The following ATP8B1 variants were observed in gnomAD, a reference collection of about 807,000 sequenced individuals.
ATP8B1 encodes ATPase phospholipid transporting 8B1, also known as phospholipid-transporting ATPase IC.
ATP8B1 carries 80 observed loss-of-function variants against 149.9 expected under a neutral mutation model. The observed-to-expected ratio is 0.53, with a 90% CI of 0.45 to 0.64. The LOEUF is 0.64. ATP8B1 is among the 30% of genes least tolerant of loss of function. ATP8B1 has a pLI of 0.00. For synonymous variants in ATP8B1, 536 were observed against 562.8 expected (o/e 0.95, Z 0.67); for missense variants, 1,247 against 1,552.6 (o/e 0.80, Z 3.31).
At chr18:57,764,394 T>A (rs1366400585) in intron 1 of ATP8B1, among the ~76,000 whole-genome samples, 11 of 147,144 alleles carry the variant, frequency 7.5e-5, no homozygotes, top group African/African-American at 2.5e-4. Context: ...TCTCTCTTTC[T>A]CTCTTTCTTT....
At position 57,661,201 on chromosome 18, in the gene ATP8B1, C is replaced by T. The variant is rs769329072; in HGVS notation, c.2680G>A (p.Gly894Arg). Residue 894 changes from glycine to arginine, a missense_variant, in exon 22 of 28, where the codon GGG (glycine) becomes AGG (arginine). By Grantham distance (125) the Gly-to-Arg change is moderately radical (BLOSUM62 -2). Coordinates refer to ENST00000648908, the MANE Select transcript of ATP8B1 (RefSeq NM_001374385.1). ...TTGATCATGTTCACGTCATTGGCCC[C>T]ATCTCCGATGGCCAGCGTGATGGCT... ...KKAITLAIGD[G>R]ANDVNMIKTA... 2.5e-6 allele frequency: 4 copies of T among 1,614,026 alleles called. No homozygotes were observed. The highest frequency in any genetic ancestry group is 3.4e-6 in the Non-Finnish European group (4 of 1,180,026).
Position 57,684,018 on chromosome 18 carries a change from T to C in ATP8B1, c.1630+18A>G, listed in dbSNP as rs779156004. On this transcript the variant is annotated intron_variant, in intron 15 of 27. Coordinates refer to ENST00000648908, the MANE Select transcript of ATP8B1 (RefSeq NM_001374385.1). Reference sequence around the variant, plus strand: ...AAAACCTGGTCTCTAATGCCTGAGATGCCAGAGAAACACTCACCATCAGTC... The same window carrying C: ...AAAACCTGGTCTCTAATGCCTGAGACGCCAGAGAAACACTCACCATCAGTC... 3 of 1,614,012 alleles carry C rather than the reference T, an allele frequency of 1.9e-6. No homozygotes were observed. The highest frequency in any genetic ancestry group is 4.5e-5 in the East Asian group (2 of 44,892).
chr18:57,680,110 T>C (rs1365159034), intron 15 of ATP8B1, among the ~76,000 whole-genome samples: 2 of 150,828 alleles, frequency 1.3e-5, no homozygotes, highest in Non-Finnish European at 2.9e-5. Context: ...ACTCCATCTC[T>C]ACTAAAAATA....
chr18:57,661,533 A>G, intron 21 of ATP8B1, 71 bp from the exon 22 acceptor site: 1 of 1,502,744 alleles, frequency 6.7e-7, no homozygotes, highest in South Asian at 1.2e-5. Context: ...CCCAAGATTT[A>G]AATTATGTGA....
At chr18:57,725,768 C>T (rs556999789) in intron 2 of ATP8B1, among the ~76,000 whole-genome samples, 1 of 152,230 alleles carries the variant, frequency 6.6e-6, no homozygotes, top group South Asian at 2.1e-4. Flanking sequence ...GTGCCAAGAA[C>T]ATACATTGGG....
Position 57,658,730 on chromosome 18 carries a change from A to G in ATP8B1, c.2707+2444T>C, listed in dbSNP as rs140216760. Among the ~76,000 whole-genome samples the G allele has an allele frequency of 3.7e-3, 565 of 151,118 alleles. 5 individuals carry two copies. The highest frequency in any genetic ancestry group is 6.7e-3 in the Admixed American group (101 of 15,106). On this transcript the variant is annotated intron_variant, in intron 22 of 27. Coordinates refer to ENST00000648908, the MANE Select transcript of ATP8B1 (RefSeq NM_001374385.1). Reference sequence around the variant, plus strand: ...ACCCAGGGTGGAGTGCAGTGGCACAAACATGGCTCACTGTAGTCTCAACTT... The same window carrying G: ...ACCCAGGGTGGAGTGCAGTGGCACAGACATGGCTCACTGTAGTCTCAACTT...
At chr18:57,659,187 G>A (rs1325833680) in intron 22 of ATP8B1, among the ~76,000 whole-genome samples, 2 of 152,110 alleles carry the variant, frequency 1.3e-5, no homozygotes, top group East Asian at 1.9e-4. Context: ...GAGGTGGGAG[G>A]ATTGTTTGAG....
chr18:57,700,532 T>C (rs1913065599), intron 6 of ATP8B1, among the ~76,000 whole-genome samples: 1 of 152,204 alleles, frequency 6.6e-6, no homozygotes, highest in Non-Finnish European at 1.5e-5. Flanking sequence ...TAATGAATAT[T>C]TCCTATGGAA....
intron 15 of ATP8B1, among the ~76,000 whole-genome samples, chr18:57,682,433 C>T (rs1912028422): frequency 6.6e-6 from 1 of 152,180 alleles, no homozygotes; most frequent in African/African-American, 2.4e-5. Context: ...TAATATCCCA[C>T]TGGGGAAAGA....
chr18:57,743,967 A>G (rs896899659), intron 1 of ATP8B1, among the ~76,000 whole-genome samples: 1 of 152,120 alleles, frequency 6.6e-6, no homozygotes, highest in Non-Finnish European at 1.5e-5. Flanking sequence ...TATTACCTCC[A>G]CCATCACACT....
intron 21 of ATP8B1, among the ~76,000 whole-genome samples, chr18:57,661,998 G>A (rs575881617): frequency 2.6e-5 from 4 of 152,246 alleles, no homozygotes; most frequent in African/African-American, 4.8e-5. Context: ...GAGCACAGGC[G>A]TGAGCCACTG....
intron 3 of ATP8B1, among the ~76,000 whole-genome samples, chr18:57,705,336 A>T (rs982829278): frequency 7.2e-5 from 11 of 152,218 alleles, no homozygotes; most frequent in Non-Finnish European, 1.3e-4. Context: ...GACAGAGCCT[A>T]CTATGTAAGA....
At chr18:57,779,670 C>T (rs2080340574) in intron 1 of ATP8B1, among the ~76,000 whole-genome samples, 2 of 152,158 alleles carry the variant, frequency 1.3e-5, no homozygotes, top group East Asian at 1.9e-4. Context: ...GAGGCCGAGG[C>T]GGGTAGGTCA....
chr18:57,768,581 C>T lies in ATP8B1; in HGVS notation c.-26+34417G>A, dbSNP rs551972936. Among the ~76,000 whole-genome samples, 347 of 79,656 alleles carry T rather than the reference C, an allele frequency of 4.4e-3. 2 individuals carry two copies. The highest frequency in any genetic ancestry group is 0.017 in the African/African-American group (330 of 19,236). The allele number at this position is 79,656 out of a possible 152,430, so 52.3% of individuals were successfully genotyped here. Reference sequence around the variant, plus strand: ...TCTAAAAGGCCATTTTTACTGTTTACATGCCAAAAAAAAAAAAAAAAAGCT... The same window carrying T: ...TCTAAAAGGCCATTTTTACTGTTTATATGCCAAAAAAAAAAAAAAAAAGCT... On this transcript the variant is annotated intron_variant, in intron 1 of 27. Transcript: ENST00000648908.
chr18:57,756,537 G>A (rs1421872851), intron 1 of ATP8B1, among the ~76,000 whole-genome samples: 1 of 151,938 alleles, frequency 6.6e-6, no homozygotes, highest in African/African-American at 2.4e-5. Flanking sequence ...CTGACCTCAG[G>A]TGATCTGCCC....
At chr18:57,782,815 T>C (rs1256307119) in intron 1 of ATP8B1, among the ~76,000 whole-genome samples, 1 of 70,180 alleles carries the variant, frequency 1.4e-5, no homozygotes, top group Non-Finnish European at 4.1e-5. Flanking sequence ...TTTTTTTTTT[T>C]TTTTTTTTTT....
intron 27 of ATP8B1, among the ~76,000 whole-genome samples, chr18:57,649,096 C>T (rs1337197492): frequency 2.6e-5 from 4 of 151,968 alleles, no homozygotes; most frequent in Non-Finnish European, 5.9e-5. Flanking sequence ...CAGAATTTCA[C>T]CATGTTGGCC....
intron 1 of ATP8B1, among the ~76,000 whole-genome samples, chr18:57,744,118 C>T (rs2079942937): frequency 6.6e-6 from 1 of 151,952 alleles, no homozygotes; most frequent in Non-Finnish European, 1.5e-5. Context: ...AGTTTGAGAC[C>T]AGCCTGGCCA....
At chr18:57,649,333 C>T (rs1326978494) in intron 27 of ATP8B1, among the ~76,000 whole-genome samples, 1 of 151,914 alleles carries the variant, frequency 6.6e-6, no homozygotes, top group Admixed American at 6.6e-5. Flanking sequence ...TATATTGAAG[C>T]CAAGGGAAGG....
Sources: allele counts gnomAD v4.1 joint callset (sites outside exome capture counted in the v4.1 genomes callset), GRCh38; gene constraint gnomAD v4.1.1; transcripts MANE v1.5; gene names NCBI Gene and HGNC (gene_info 2026-07-23, HGNC 2026-07-21).